Variants in DLG2 observed in about 807,000 individuals in gnomAD.
The protein encoded by DLG2 is disks large homolog 2.
In DLG2, 45 loss-of-function variants were observed where a neutral mutation model predicts 132.5. That is an observed-to-expected ratio of 0.34 (90% CI 0.27 to 0.44). The LOEUF (loss-of-function observed/expected upper bound fraction) is 0.44, where lower values mean the gene tolerates loss of function less well. Ranked by LOEUF, DLG2 falls within the 20% of genes least tolerant of loss-of-function variation. The pLI is 1.00. For synonymous variants in DLG2, 424 were observed against 419.6 expected (o/e 1.01, Z -0.13); for missense variants, 1,045 against 1,196.9 (o/e 0.87, Z 1.87).
chr11:83,898,495 CTT>C (rs1013926439), intron 15 of DLG2, among the ~76,000 whole-genome samples: 3 of 151,900 alleles, frequency 2.0e-5, no homozygotes, highest in Non-Finnish European at 4.4e-5. Context: ...ATAATGGAGA[CTT>C]TTTCTTTTAA....
chr11:85,461,251 T>A (rs2092601432), intron 3 of DLG2, among the ~76,000 whole-genome samples: 2 of 152,218 alleles, frequency 1.3e-5, no homozygotes, highest in African/African-American at 2.4e-5. Context: ...GGTTTCCTTT[T>A]TCAGCCTTAA....
At chr11:84,612,748 C>T (rs2099597580) in intron 6 of DLG2, among the ~76,000 whole-genome samples, 1 of 151,880 alleles carries the variant, frequency 6.6e-6, no homozygotes, top group Non-Finnish European at 1.5e-5. Context: ...TATGTATATA[C>T]ACATACACAC....
rs59038372 is a variant in DLG2 at position 84,373,265 on chromosome 11, C to CAAAAA, written c.520-121975_520-121974insTTTTT. ...AGAAACAGTCAAAAAAAAAAAAAAA[C>CAAAAA]AAAACAAAAAAAAAACCCACCAGGC... On this transcript the variant is annotated intron_variant, in intron 7 of 27. Coordinates refer to ENST00000376104, the MANE Select transcript of DLG2 (RefSeq NM_001142699.3). Among the ~76,000 whole-genome samples, 96 of 98,048 alleles carry CAAAAA rather than the reference C, an allele frequency of 9.8e-4. 1 individual carries two copies. The highest frequency in any genetic ancestry group is 4.8e-3 in the East Asian group (16 of 3,318). 64.3% of individuals were successfully genotyped at this position (98,048 alleles called of 152,430 possible).
intron 6 of DLG2, among the ~76,000 whole-genome samples, chr11:84,957,297 G>C (rs962584037): frequency 1.3e-5 from 2 of 152,084 alleles, no homozygotes; most frequent in African/African-American, 4.8e-5. Flanking sequence ...ATCATTACAT[G>C]ATTGTTATTT....
intron 7 of DLG2, among the ~76,000 whole-genome samples, chr11:84,527,039 A>T (rs929458595): frequency 6.6e-6 from 1 of 151,898 alleles, no homozygotes; most frequent in African/African-American, 2.4e-5. Flanking sequence ...CGGCCTCCCA[A>T]AGTGCTGGGA....
intron 3 of DLG2, among the ~76,000 whole-genome samples, chr11:85,301,885 G>A (rs2079606467): frequency 6.6e-6 from 1 of 152,148 alleles, no homozygotes; most frequent in Admixed American, 6.5e-5. Context: ...GATGATATAA[G>A]AAAAATACTT....
chr11:85,191,755 T>C (rs1043515074), intron 4 of DLG2, among the ~76,000 whole-genome samples: 1 of 152,188 alleles, frequency 6.6e-6, no homozygotes, highest in Non-Finnish European at 1.5e-5. Flanking sequence ...GGCAGAAATA[T>C]ACTACCATTG....
intron 11 of DLG2, among the ~76,000 whole-genome samples, chr11:84,049,839 C>T (rs765434585): frequency 6.6e-5 from 10 of 151,670 alleles, no homozygotes; most frequent in East Asian, 3.9e-4. Flanking sequence ...CTTCTGATTG[C>T]GTCAATTAGT....
At chr11:83,731,088 G>A (rs2090926850) in intron 18 of DLG2, among the ~76,000 whole-genome samples, 1 of 152,094 alleles carries the variant, frequency 6.6e-6, no homozygotes, top group African/African-American at 2.4e-5. Flanking sequence ...TTTCCAAGTG[G>A]CCCTCTGCGT....
At chr11:84,241,457 T>C (rs373044018) in intron 8 of DLG2, among the ~76,000 whole-genome samples, 20 of 152,302 alleles carry the variant, frequency 1.3e-4, no homozygotes, top group African/African-American at 4.3e-4. Context: ...CCCTTTAGGA[T>C]ATGTAAGAAT....
chr11:84,326,250 T>C (rs1567298985), intron 7 of DLG2, among the ~76,000 whole-genome samples: 1 of 152,186 alleles, frequency 6.6e-6, no homozygotes, highest in East Asian at 1.9e-4. Context: ...CTCTAATTAT[T>C]TTCTTCCTTC....
intron 7 of DLG2, among the ~76,000 whole-genome samples, chr11:84,413,325 A>G (rs1160454265): frequency 2.0e-5 from 3 of 152,242 alleles, no homozygotes; most frequent in African/African-American, 7.2e-5. Context: ...CTACTAGTTT[A>G]GAAGTGGTAT....
chr11:84,489,695 A>G (rs532202186), intron 7 of DLG2, among the ~76,000 whole-genome samples: 18 of 152,218 alleles, frequency 1.2e-4, no homozygotes, highest in Non-Finnish European at 2.9e-5. Context: ...CCTTCTTTCT[A>G]GATTGATTTA....
intron 3 of DLG2, among the ~76,000 whole-genome samples, chr11:85,499,460 A>G (rs2093744319): frequency 6.6e-6 from 1 of 152,212 alleles, no homozygotes; most frequent in African/African-American, 2.4e-5. Context: ...TTAATAGCCT[A>G]CCAACCAAAA....
chr11:84,681,343 A>G (rs1301763452), intron 6 of DLG2, among the ~76,000 whole-genome samples: 3 of 152,190 alleles, frequency 2.0e-5, no homozygotes, highest in Non-Finnish European at 4.4e-5. Context: ...TGTAAAGTAG[A>G]CAATTTAAAG....
intron 7 of DLG2, among the ~76,000 whole-genome samples, chr11:84,405,448 A>G (rs1445093674): frequency 2.6e-5 from 4 of 152,168 alleles, no homozygotes; most frequent in African/African-American, 9.7e-5. Context: ...TGTGTCTACA[A>G]TTCCTTTCAT....
At chr11:85,439,683 G>T (rs115376468) in intron 3 of DLG2, among the ~76,000 whole-genome samples, 1 of 152,014 alleles carries the variant, frequency 6.6e-6, no homozygotes, top group Non-Finnish European at 1.5e-5. Flanking sequence ...TTAATCCGAG[G>T]ATCACAATAT....
At chr11:84,795,713 T>C (rs2074496896) in intron 6 of DLG2, among the ~76,000 whole-genome samples, 1 of 152,002 alleles carries the variant, frequency 6.6e-6, no homozygotes, top group Non-Finnish European at 1.5e-5. Flanking sequence ...AGAGAAGAGC[T>C]CCAGCCCTTT....
At chr11:84,509,678 C>G (rs1427264592) in intron 7 of DLG2, among the ~76,000 whole-genome samples, 2 of 152,012 alleles carry the variant, frequency 1.3e-5, no homozygotes, top group South Asian at 2.1e-4. Context: ...TAATTTGACA[C>G]TAAGTACAAA....
Sources: gnomAD v4.1 joint callset for allele counts (sites outside exome capture counted in the v4.1 genomes callset) on GRCh38, gnomAD v4.1.1 for gene constraint, MANE v1.5 for transcripts, NCBI Gene and HGNC (gene_info 2026-07-23, HGNC 2026-07-21) for gene names.